DPP10: variants seen among roughly 807,000 people sequenced by gnomAD.
DPP10 encodes dipeptidyl peptidase like 10, also known as inactive dipeptidyl peptidase 10.
Under a neutral mutation model 120.9 loss-of-function variants are expected in DPP10, and 33 were observed. The ratio of observed to expected loss-of-function variants is 0.27; its 90% confidence interval spans 0.21 to 0.37. The LOEUF (loss-of-function observed/expected upper bound fraction) is 0.37. Ranked by LOEUF, DPP10 falls within the 10% of genes least tolerant of loss-of-function variation. DPP10 has a pLI of 1.00. For missense variants in DPP10, 816 were observed against 942.8 expected (o/e 0.87, Z 1.76); for synonymous variants, 337 against 326.1 (o/e 1.03, Z -0.36).
intron 1 of DPP10, among the ~76,000 whole-genome samples, chr2:115,106,661 C>A (rs970980552): frequency 6.6e-6 from 1 of 151,890 alleles, no homozygotes; most frequent in Non-Finnish European, 1.5e-5. Flanking sequence ...AAGAGTTTTG[C>A]CTTGTTGCCC....
At chr2:115,772,623 C>A (rs186311030) in intron 13 of DPP10, among the ~76,000 whole-genome samples, 1 of 152,244 alleles carries the variant, frequency 6.6e-6, no homozygotes, top group Admixed American at 6.5e-5. Context: ...TACACTGATA[C>A]AAAACCTTTT....
chr2:115,591,960 T>C (rs1180579264), intron 5 of DPP10, among the ~76,000 whole-genome samples: 1 of 152,142 alleles, frequency 6.6e-6, no homozygotes, highest in Non-Finnish European at 1.5e-5. Context: ...TGGCTCTCTG[T>C]TTGTCTGTTA....
intron 1 of DPP10, among the ~76,000 whole-genome samples, chr2:114,718,568 T>C (rs1258932273): frequency 6.6e-6 from 1 of 152,180 alleles, no homozygotes; most frequent in Admixed American, 6.5e-5. Context: ...TAAGAACCAA[T>C]GTTTTTGGTC....
intron 4 of DPP10, among the ~76,000 whole-genome samples, chr2:115,516,395 TG>T (rs1316087286): frequency 6.6e-6 from 1 of 152,126 alleles, no homozygotes; most frequent in Admixed American, 6.6e-5. Context: ...TTATTTGCTT[TG>T]GCATGGAAGG....
intron 3 of DPP10, among the ~76,000 whole-genome samples, chr2:115,431,288 T>C (rs1269711219): frequency 2.1e-4 from 32 of 152,134 alleles, no homozygotes; most frequent in Admixed American, 2.1e-3. Context: ...AACAAGCAAG[T>C]ACTGTTACCT....
At chr2:114,980,051 A>T (rs1227862491) in intron 1 of DPP10, among the ~76,000 whole-genome samples, 1 of 152,106 alleles carries the variant, frequency 6.6e-6, no homozygotes, top group Non-Finnish European at 1.5e-5. Context: ...ACATTATTTT[A>T]AACAAGTAAT....
chr2:114,891,112 A>G (rs889935000), intron 1 of DPP10, among the ~76,000 whole-genome samples: 2 of 152,136 alleles, frequency 1.3e-5, no homozygotes, highest in Non-Finnish European at 2.9e-5. Flanking sequence ...AACAAGTTTT[A>G]GACAAATTCC....
chr2:114,566,154 C>T (rs555509498), intron 1 of DPP10, among the ~76,000 whole-genome samples: 48 of 152,058 alleles, frequency 3.2e-4, no homozygotes, highest in African/African-American at 1.2e-3. Flanking sequence ...TTTTCCTTAT[C>T]TCTTGTCTTT....
At position 115,053,267 on chromosome 2, in the gene DPP10, T is replaced by C. The variant is rs183697211; in HGVS notation, c.61-255972T>C. 1.3e-3 allele frequency among the ~76,000 whole-genome samples: 200 copies of C among 152,302 alleles called. 1 individual carries two copies. Among genetic ancestry groups the C allele is most frequent in the Admixed American group, 4.7e-3 (72 of 15,296 alleles). On this transcript the variant is annotated intron_variant, in intron 1 of 25. Transcript: ENST00000410059. Reference sequence around the variant, plus strand: ...AACAATATGTGGTATGTTCATGTAATGGAATATTATTCAGCCACAAAAAGC... The same window carrying C: ...AACAATATGTGGTATGTTCATGTAACGGAATATTATTCAGCCACAAAAAGC...
At chr2:114,852,081 C>T (rs1462283268) in intron 1 of DPP10, among the ~76,000 whole-genome samples, 2 of 146,272 alleles carry the variant, frequency 1.4e-5, no homozygotes, top group African/African-American at 2.5e-5. Context: ...CTATCCCCAT[C>T]TTTCCACTTA....
rs368442512 is a variant in DPP10, at chr2:115,509,400, T to C, written c.366+9796T>C. ...TGAGATTTTGGTTGTATGACTTAAA[T>C]GAAAGGGGAGTTAACCATTGAGATG... On this transcript the variant is annotated intron_variant, in intron 4 of 25. Transcript: ENST00000410059. 6.6e-5 allele frequency among the ~76,000 whole-genome samples: 10 copies of C among 152,262 alleles called. 1 individual carries two copies. The South Asian group carries it at 8.3e-4, about 13-fold the overall frequency.
intron 5 of DPP10, among the ~76,000 whole-genome samples, chr2:115,581,946 T>C (rs1333649376): frequency 1.3e-5 from 2 of 152,170 alleles, no homozygotes; most frequent in Non-Finnish European, 2.9e-5. Flanking sequence ...TCTTGCCTTC[T>C]TTGAGGAAAG....
At position 115,064,759 on chromosome 2, in the gene DPP10, TGGTCATCACAGA is replaced by T. The variant is rs776935582; in HGVS notation, c.61-244476_61-244465del. 8.9e-5 allele frequency: 116 copies of T among 1,304,206 alleles called. No homozygotes were observed. In the South Asian group the frequency reaches 1.4e-3, roughly 15 times the overall value. The allele number at this position is 1,304,206 out of a possible 1,614,324, so 80.8% of individuals were successfully genotyped here. On this transcript the variant is annotated intron_variant, in intron 1 of 25. Coordinates refer to ENST00000410059, the MANE Select transcript of DPP10 (RefSeq NM_020868.6). ...AAAGTGGTTATAGTCCACTTAGCAA[TGGTCATCACAGA>T]GGTGGCTGAGGGACCAGTAGATGGT...
rs570055078 is a variant in DPP10 at position 115,832,334 on chromosome 2, A to T, written c.1951-3823A>T. The stretch of plus-strand genomic sequence containing the variant: ...GCAAAACCTATCTGTACAAATAAAT[A>T]CAAAAATTAGCTGGGCACGGTGGCA... On this transcript the variant is annotated intron_variant, in intron 21 of 25. Transcript: ENST00000410059. 1.2e-4 allele frequency among the ~76,000 whole-genome samples: 19 copies of T among 152,246 alleles called. No individual in the cohort carries two copies. The East Asian group carries it at 3.5e-3, about 28-fold the overall frequency.
intron 1 of DPP10, among the ~76,000 whole-genome samples, chr2:114,629,471 C>T (rs1694758661): frequency 6.6e-6 from 1 of 152,114 alleles, no homozygotes; most frequent in Non-Finnish European, 1.5e-5. Context: ...ATAAAGTGGA[C>T]TTGGGTCGTT....
intron 3 of DPP10, among the ~76,000 whole-genome samples, chr2:115,458,475 A>C (rs2073757495): frequency 6.6e-6 from 1 of 152,192 alleles, no homozygotes; most frequent in African/African-American, 2.4e-5. Flanking sequence ...AGTTTCCTCT[A>C]GTTGAACAAA....
At chr2:115,774,205 C>G (rs1400961740) in intron 13 of DPP10, among the ~76,000 whole-genome samples, 1 of 57,070 alleles carries the variant, frequency 1.8e-5, no homozygotes, top group Non-Finnish European at 4.4e-5. Flanking sequence ...CTTTAAAACA[C>G]ACATACACAC....
intron 1 of DPP10, among the ~76,000 whole-genome samples, chr2:115,032,710 G>T (rs1703922919): frequency 1.3e-5 from 2 of 151,342 alleles, no homozygotes; most frequent in African/African-American, 4.8e-5. Flanking sequence ...GCGAAACCCG[G>T]TATCTACTGA....
At chr2:115,128,932 G>C (rs2050205872) in intron 1 of DPP10, among the ~76,000 whole-genome samples, 2 of 152,106 alleles carry the variant, frequency 1.3e-5, no homozygotes, top group Non-Finnish European at 2.9e-5. Flanking sequence ...GATAAGGAGG[G>C]GAGTAACAAT....
Sources: allele counts gnomAD v4.1 joint callset (sites outside exome capture counted in the v4.1 genomes callset), GRCh38; gene constraint gnomAD v4.1.1; transcripts MANE v1.5; gene names NCBI Gene and HGNC (gene_info 2026-07-23, HGNC 2026-07-21).